Variants in ASIC2 observed in about 807,000 individuals in gnomAD.
The protein encoded by ASIC2 is acid sensing ion channel subunit 2.
A neutral mutation model predicts 57.3 loss-of-function variants in ASIC2; 25 were observed. The observed-to-expected ratio is 0.44, with a 90% CI of 0.32 to 0.61. The LOEUF is 0.61. Ranked by LOEUF, ASIC2 falls within the 20% of genes least tolerant of loss-of-function variation. The pLI is 0.06. For synonymous variants in ASIC2, 319 were observed against 307.5 expected, an observed-to-expected ratio of 1.04 and a Z score of -0.39; for missense variants, 641 against 738.1, an observed-to-expected ratio of 0.87 and a Z score of 1.52.
chr17:33,671,661 GT>G (rs1259990680), intron 1 of ASIC2, among the ~76,000 whole-genome samples: 1 of 152,158 alleles, frequency 6.6e-6, no homozygotes, highest in Non-Finnish European at 1.5e-5. Flanking sequence ...GGGTCCAAAG[GT>G]CTTGGGAAGG....
At chr17:33,773,050 A>G (rs1225107995) in intron 1 of ASIC2, among the ~76,000 whole-genome samples, 1 of 152,208 alleles carries the variant, frequency 6.6e-6, no homozygotes, top group Non-Finnish European at 1.5e-5. Context: ...CACAAGTCAC[A>G]TATTCACGGC....
At chr17:33,510,411 G>A (rs998738051) in intron 1 of ASIC2, among the ~76,000 whole-genome samples, 2 of 152,092 alleles carry the variant, frequency 1.3e-5, no homozygotes, top group African/African-American at 4.8e-5. Context: ...CAGCACTTGG[G>A]GATGCTAAGG....
chr17:33,958,324 T>C (rs1591559), intron 1 of ASIC2, among the ~76,000 whole-genome samples: 75,082 of 152,072 alleles, frequency 0.49, 19,311 homozygotes, highest in African/African-American at 0.61. Context: ...ATTGGAAACT[T>C]TGTGTGGGGG....
intron 1 of ASIC2, among the ~76,000 whole-genome samples, chr17:33,796,457 T>G (rs1371556073): frequency 6.6e-6 from 1 of 152,172 alleles, no homozygotes; most frequent in Non-Finnish European, 1.5e-5. Flanking sequence ...TAATAGCAGG[T>G]TGGATCTCAA....
chr17:33,743,417 G>A (rs891894155), intron 1 of ASIC2, among the ~76,000 whole-genome samples: 3 of 152,226 alleles, frequency 2.0e-5, no homozygotes, highest in African/African-American at 7.2e-5. Context: ...TCCCAAGCTA[G>A]GGTTACCACA....
intron 1 of ASIC2, among the ~76,000 whole-genome samples, chr17:33,817,504 A>G (rs763529830): frequency 3.3e-5 from 5 of 151,982 alleles, no homozygotes; most frequent in African/African-American, 4.8e-5. Flanking sequence ...ACACTGTCAC[A>G]CTGTCTTGGG....
At chr17:33,396,259 G>A (rs985398251) in intron 1 of ASIC2, among the ~76,000 whole-genome samples, 3 of 152,288 alleles carry the variant, frequency 2.0e-5, no homozygotes, top group Non-Finnish European at 2.9e-5. Context: ...GCATCCAGGA[G>A]CAGATGCACC....
chr17:33,291,747 C>T lies in ASIC2; in HGVS notation c.369G>A (p.Glu123=), dbSNP rs1232048052. Residue 123 remains glutamate (E), a synonymous_variant, in exon 1 of 10, where the codon GAG becomes GAA. Coordinates refer to ENST00000225823, the MANE Select transcript of ASIC2 (RefSeq NM_183377.2). ...CGGGGAAGGGTAACTGGCGGCTCCACTCGCGGTGCACCCGCGTGTGTGACG... is the reference window on the plus strand; with the variant it reads ...CGGGGAAGGGTAACTGGCGGCTCCATTCGCGGTGCACCCGCGTGTGTGACG... ...SFPSHTRVHR[E]WSRQLPFPAV... is the part of the protein sequence containing the mutation. 2 of 1,613,212 alleles carry T rather than the reference C, an allele frequency of 1.2e-6. No homozygotes were observed. The highest frequency in any genetic ancestry group is 1.7e-6 in the Non-Finnish European group (2 of 1,179,874).
intron 1 of ASIC2, among the ~76,000 whole-genome samples, chr17:34,055,909 G>A (rs976188002): frequency 5.3e-5 from 8 of 152,130 alleles, no homozygotes; most frequent in African/African-American, 1.9e-4. Context: ...TAATTTACAC[G>A]TTTTTAAGCA....
At chr17:33,554,180 A>G (rs1244272030) in intron 1 of ASIC2, among the ~76,000 whole-genome samples, 1 of 152,184 alleles carries the variant, frequency 6.6e-6, no homozygotes, top group African/African-American at 2.4e-5. Context: ...CCTATGAGTG[A>G]AATTGTTCTG....
At position 33,465,843 on chromosome 17, in the gene ASIC2, A is replaced by G. The variant is rs145439025; in HGVS notation, c.556-353776T>C. On this transcript the variant is annotated intron_variant, in intron 1 of 9. Transcript: ENST00000359872. ...AGCTTTCTCCCATCTTTTGTGCCCA[A>G]CTTATGTGGAGATGTGTAGAAAAGT... 9.0e-3 allele frequency among the ~76,000 whole-genome samples: 1,377 copies of G among 152,260 alleles called. 19 individuals carry two copies. Among genetic ancestry groups the G allele is most frequent in the African/African-American group, 0.031 (1,281 of 41,552 alleles).
chr17:33,280,925 T>C (rs984808007), intron 1 of ASIC2, among the ~76,000 whole-genome samples: 1 of 152,200 alleles, frequency 6.6e-6, no homozygotes, highest in Non-Finnish European at 1.5e-5. Flanking sequence ...CAAGAGAAGA[T>C]TAAACCCTTC....
chr17:33,993,679 T>C (rs188084570), intron 1 of ASIC2, among the ~76,000 whole-genome samples: 9 of 152,312 alleles, frequency 5.9e-5, no homozygotes, highest in African/African-American at 2.2e-4. Context: ...AGCACATAAA[T>C]GGATACATCT....
At chr17:33,558,526 G>A (rs556524902) in intron 1 of ASIC2, among the ~76,000 whole-genome samples, 1 of 152,268 alleles carries the variant, frequency 6.6e-6, no homozygotes, top group African/African-American at 2.4e-5. Context: ...AGTGAATCTG[G>A]TTGAGGATTG....
chr17:33,669,636 G>A (rs767308416), intron 1 of ASIC2, among the ~76,000 whole-genome samples: 2 of 152,184 alleles, frequency 1.3e-5, no homozygotes, highest in African/African-American at 2.4e-5. Context: ...TATAGAGAAC[G>A]TGTGTGAATA....
At chr17:33,610,493 G>A (rs16968652) in intron 1 of ASIC2, among the ~76,000 whole-genome samples, 4 of 151,984 alleles carry the variant, frequency 2.6e-5, no homozygotes, top group Non-Finnish European at 5.9e-5. Context: ...CTTAACCTGG[G>A]CTCCTTTCCC....
chr17:34,057,327 G>A (rs1442944512), intron 1 of ASIC2, among the ~76,000 whole-genome samples: 1 of 152,204 alleles, frequency 6.6e-6, no homozygotes, highest in African/African-American at 2.4e-5. Context: ...TCTGAAGGAA[G>A]TATTGGGAAA....
At chr17:33,998,099 C>T (rs1906218627) in intron 1 of ASIC2, among the ~76,000 whole-genome samples, 1 of 151,952 alleles carries the variant, frequency 6.6e-6, no homozygotes, top group Non-Finnish European at 1.5e-5. Flanking sequence ...TTATCTGTTG[C>T]CTCATGGTTC....
At chr17:33,441,682 G>C (rs957437311) in intron 1 of ASIC2, among the ~76,000 whole-genome samples, 3 of 152,104 alleles carry the variant, frequency 2.0e-5, no homozygotes, top group Non-Finnish European at 2.9e-5. Context: ...CTGGAAGAAA[G>C]GATGTTTGTT....
Sources: gnomAD v4.1 joint callset for allele counts (sites outside exome capture counted in the v4.1 genomes callset) on GRCh38, gnomAD v4.1.1 for gene constraint, MANE v1.5 for transcripts, NCBI Gene and HGNC (gene_info 2026-07-23, HGNC 2026-07-21) for gene names.